The following MYO1B variants were observed in gnomAD, a reference collection of about 807,000 sequenced individuals.
The protein encoded by MYO1B is unconventional myosin-Ib.
Under a neutral mutation model 159.7 loss-of-function variants are expected in MYO1B, and 72 were observed. The ratio of observed to expected loss-of-function variants is 0.45; its 90% CI spans 0.37 to 0.55. MYO1B has a LOEUF of 0.55. MYO1B is among the 20% of genes least tolerant of loss of function. The probability of loss-of-function intolerance (pLI) is 0.00; values close to 1 mark genes in which losing one functional copy is unlikely to be tolerated. For synonymous variants in MYO1B, 468 were observed against 473.8 expected, an observed-to-expected ratio of 0.99 and a Z score of 0.16; for missense variants, 1,062 against 1,364.8, an observed-to-expected ratio of 0.78 and a Z score of 3.50.
chr2:191,326,145 A>T (rs1479127467), intron 3 of MYO1B, among the ~76,000 whole-genome samples: 1 of 152,246 alleles, frequency 6.6e-6, no homozygotes, highest in African/African-American at 2.4e-5. Context: ...GTAAATAACA[A>T]TGCTGACACG....
chr2:191,379,408 T>G (rs575937771), intron 13 of MYO1B: 48 of 152,778 alleles, frequency 3.1e-4, no homozygotes, highest in African/African-American at 1.1e-3. Flanking sequence ...ACAGGAATTT[T>G]TAAAGGTTAT....
In MYO1B at chr2:191,360,650, G is replaced by T. The variant is rs772842129; in HGVS notation, c.582G>T (p.Arg194=). Residue 194 remains arginine, a synonymous_variant, in exon 8 of 31, where the codon CGG becomes CGT. Transcript: ENST00000392318. ...VISNYLLEKS[R]VVKQPRGERN... Reference sequence around the variant, plus strand: ...CTTTAGATCTTTTAGAGAAATCTCGGGTTGTTAAACAGCCAAGAGGTGAAA... The same window carrying T: ...CTTTAGATCTTTTAGAGAAATCTCGTGTTGTTAAACAGCCAAGAGGTGAAA... The T allele has an allele frequency of 4.3e-6, 7 of 1,611,944 alleles. No homozygotes were observed. In the African/African-American group the frequency reaches 6.7e-5, roughly 15 times the overall value.
chr2:191,390,711 A>G (rs1386957583), intron 18 of MYO1B, among the ~76,000 whole-genome samples: 2 of 152,370 alleles, frequency 1.3e-5, no homozygotes, highest in East Asian at 1.9e-4. Flanking sequence ...ATTAATTTTT[A>G]GAATATGCCC....
intron 23 of MYO1B, 154 bp from the exon 24 acceptor site, chr2:191,402,478 A>G (rs527982435): frequency 5.4e-5 from 36 of 671,734 alleles, no homozygotes; most frequent in African/African-American, 3.4e-4. Context: ...CCTGACACCA[A>G]TTCTTTGGGT....
rs1209689273 is a variant in MYO1B at position 191,383,448 on chromosome 2, T to TTATA, written c.1353+129_1353+132dup. On this transcript the variant is annotated intron_variant, in intron 15 of 30. Transcript: ENST00000392318. ...TAAGCATTAGTATTTTCACTGTTTT[T>TTATA]TATATATATATATATATATATATAT... 175 of 127,364 alleles carry TTATA rather than the reference T, an allele frequency of 1.4e-3. 3 individuals carry two copies. The highest frequency in any genetic ancestry group is 3.4e-3 in the Middle Eastern group (1 of 296). The allele number at this position is 127,364 out of a possible 1,614,324, so 7.9% of individuals were successfully genotyped here. A position where few individuals can be genotyped will look rare whatever the true frequency, so the allele number is the denominator to read the frequency against.
chr2:191,338,331 C>T (rs1212718332), intron 4 of MYO1B, among the ~76,000 whole-genome samples: 1 of 152,058 alleles, frequency 6.6e-6, no homozygotes, highest in Non-Finnish European at 1.5e-5. Flanking sequence ...GAACTTTATT[C>T]TCAAACTATA....
In MYO1B at chr2:191,396,454, A is replaced by C; in HGVS notation, c.2252A>C (p.Lys751Thr). ...YAQQKRYQQT[K>T]SSALVIQSYI... ...CAACAAAAGAGGTACCAGCAGACAA[A>C]GAGTTCCGCCTTAGTAATTCAGTCT... is the stretch of plus-strand genomic sequence containing the variant. The change falls in exon 21 of 31, where the codon AAG (lysine) becomes ACG (threonine). Residue 751 changes from lysine (K) to threonine (T), a missense_variant. Physicochemically the swap from Lys to Thr is moderately conservative, Grantham distance 78. Around this residue, in one of 5 missense-constraint regions of MYO1B, gnomAD observed 609 missense variants for 744.4 expected, o/e 0.82. Coordinates refer to ENST00000392318, the MANE Select transcript of MYO1B (RefSeq NM_001130158.3). 6.2e-7 allele frequency: 1 copy of C among 1,614,208 alleles called. No homozygotes were observed. Among genetic ancestry groups the C allele is most frequent in the East Asian group, 2.2e-5 (1 of 44,878 alleles).
chr2:191,323,953 T>C (rs570183748), intron 3 of MYO1B, among the ~76,000 whole-genome samples: 3 of 152,152 alleles, frequency 2.0e-5, no homozygotes, highest in African/African-American at 4.8e-5. Flanking sequence ...AAGATAATTT[T>C]CACCTGCATT....
At chr2:191,260,250 T>G (rs1309076599) in intron 1 of MYO1B, among the ~76,000 whole-genome samples, 1 of 136,372 alleles carries the variant, frequency 7.3e-6, no homozygotes, top group African/African-American at 2.5e-5. Flanking sequence ...TTTTCCCAGA[T>G]AGGCTTTTTT....
At chr2:191,396,519 T>A in intron 21 of MYO1B, 22 bp downstream of exon 21, 1 of 1,612,248 alleles carries the variant, frequency 6.2e-7, no homozygotes, top group Non-Finnish European at 8.5e-7. Context: ...AGAAGTATGC[T>A]TTATTTATTT....
Position 191,402,686 on chromosome 2 carries a change from G to T in MYO1B, c.2524G>T (p.Ala842Ser). The T allele has an allele frequency of 6.2e-7, 1 of 1,613,612 alleles. No individual in the cohort carries two copies. The change falls in exon 24 of 31, where the codon GCT (alanine) becomes TCT (serine). Residue 842 changes from alanine to serine, a missense_variant. Coordinates refer to ENST00000392318, the MANE Select transcript of MYO1B (RefSeq NM_001130158.3). ...GGAGGCTAGGCGTAAGCATGCAGTTGCTGTCATTTGGGCTTACTGGCTTGG... is the reference window on the plus strand; with the variant it reads ...GGAGGCTAGGCGTAAGCATGCAGTTTCTGTCATTTGGGCTTACTGGCTTGG... ...KEEARRKHAVAVIWAYWLGLK... is the reference protein window; with the variant it reads ...KEEARRKHAVSVIWAYWLGLK...
At chr2:191,252,708 C>T (rs1332815635) in intron 1 of MYO1B, among the ~76,000 whole-genome samples, 1 of 152,126 alleles carries the variant, frequency 6.6e-6, no homozygotes, top group African/African-American at 2.4e-5. Flanking sequence ...CAAGTTGTAA[C>T]CTCTTGCTTA....
intron 1 of MYO1B, among the ~76,000 whole-genome samples, chr2:191,258,494 A>G (rs781017539): frequency 1.3e-5 from 2 of 152,218 alleles, no homozygotes; most frequent in Non-Finnish European, 1.5e-5. Context: ...CTAAATTTAT[A>G]AAAACACAAA....
At chr2:191,383,475 C>CATATATATATAT (rs1559220043) in intron 15 of MYO1B, 133 bp downstream of exon 15, 6 of 6,962 alleles carry the variant, frequency 8.6e-4, no homozygotes, top group African/African-American at 1.1e-3. Context: ...TATATATATA[C>CATATATATATAT]ACACACACAT....
At chr2:191,261,066 A>G (rs1686780996) in intron 1 of MYO1B, among the ~76,000 whole-genome samples, 2 of 152,130 alleles carry the variant, frequency 1.3e-5, no homozygotes, top group Admixed American at 1.3e-4. Flanking sequence ...TTCTCTGTAA[A>G]GTGGATCAGC....
At chr2:191,271,241 G>A (rs1236066286) in intron 1 of MYO1B, among the ~76,000 whole-genome samples, 1 of 152,170 alleles carries the variant, frequency 6.6e-6, no homozygotes, top group Non-Finnish European at 1.5e-5. Flanking sequence ...GCTGTCTCTG[G>A]TGTATATTGC....
Position 191,279,559 on chromosome 2 carries a change from C to T in MYO1B, c.135+2529C>T, listed in dbSNP as rs570309173. Among the ~76,000 whole-genome samples, 6 of 152,280 alleles carry T rather than the reference C, an allele frequency of 3.9e-5. No homozygotes were observed. The East Asian group carries it at 7.7e-4, about 20-fold the overall frequency. On this transcript the variant is annotated intron_variant, in intron 2 of 30. Transcript: ENST00000392318. Reference sequence around the variant, plus strand: ...GCATGATAAATTTGATTACCACACTCTCCAGCCCCACATGCCATGTATTCT... The same window carrying T: ...GCATGATAAATTTGATTACCACACTTTCCAGCCCCACATGCCATGTATTCT...
intron 12 of MYO1B, 26 bp from the exon 13 acceptor site, chr2:191,370,201 A>G (rs1239905496): frequency 6.4e-7 from 1 of 1,555,944 alleles, no homozygotes; most frequent in Non-Finnish European, 8.9e-7. Context: ...GCCTTAATTA[A>G]CCCTTTAATT....
At chr2:191,383,475 C>CATATATATGTGTATATATATATAT (rs1559220043) in intron 15 of MYO1B, 133 bp downstream of exon 15, 1 of 6,964 alleles carries the variant, frequency 1.4e-4, no homozygotes, top group Non-Finnish European at 1.3e-3. Flanking sequence ...TATATATATA[C>CATATATATGTGTATATATATATAT]ACACACACAT....
Sources: gnomAD v4.1 joint callset for allele counts (sites outside exome capture counted in the v4.1 genomes callset) on GRCh38, gnomAD v4.1.1 for gene constraint, gnomAD v4.1.1 regional missense constraint, MANE v1.5 for transcripts, NCBI Gene and HGNC (gene_info 2026-07-23, HGNC 2026-07-21) for gene names.